The following EEFSEC variants were observed in gnomAD, a reference collection of about 807,000 sequenced individuals.
EEFSEC encodes the protein eukaryotic elongation factor, selenocysteine-tRNA specific.
Under a neutral mutation model 42.1 loss-of-function variants are expected in EEFSEC, and 43 were observed. The ratio of observed to expected loss-of-function variants is 1.02; its 90% CI spans 0.80 to 1.32. EEFSEC has a LOEUF of 1.32. EEFSEC is among the 40% of genes most tolerant of loss of function. The pLI, the probability that EEFSEC is intolerant of heterozygous loss-of-function variation, is 0.00. For synonymous variants in EEFSEC, 354 were observed against 339.1 expected, an observed-to-expected ratio of 1.04 and a Z score of -0.48; for missense variants, 745 against 803.6, an observed-to-expected ratio of 0.93 and a Z score of 0.88.
intron 4 of EEFSEC, among the ~76,000 whole-genome samples, chr3:128,275,384 A>G (rs530732781): frequency 6.6e-6 from 1 of 152,330 alleles, no homozygotes; most frequent in East Asian, 1.9e-4. Flanking sequence ...GATTCAGATG[A>G]AAGTGTGGCC....
chr3:128,290,894 A>G (rs2066637005), intron 4 of EEFSEC, among the ~76,000 whole-genome samples: 1 of 151,934 alleles, frequency 6.6e-6, no homozygotes, highest in South Asian at 2.1e-4. Context: ...ACAGGTGCCC[A>G]CCACCATACC....
chr3:128,175,524 C>T (rs1174492715), intron 1 of EEFSEC, among the ~76,000 whole-genome samples: 2 of 152,138 alleles, frequency 1.3e-5, no homozygotes, highest in Non-Finnish European at 2.9e-5. Flanking sequence ...GTAAAACTGG[C>T]CTGGGATCCC....
At chr3:128,183,670 C>T (rs572232051) in intron 1 of EEFSEC, among the ~76,000 whole-genome samples, 17 of 152,324 alleles carry the variant, frequency 1.1e-4, no homozygotes, top group African/African-American at 2.9e-4. Context: ...AGAACCGATG[C>T]GTGCAGGGCA....
chr3:128,175,157 C>G (rs532123658), intron 1 of EEFSEC, among the ~76,000 whole-genome samples: 1 of 151,584 alleles, frequency 6.6e-6, no homozygotes, highest in African/African-American at 2.4e-5. Flanking sequence ...TCCTCCTTCC[C>G]CTCCTCTTCT....
rs1035680092 is a variant in EEFSEC at position 128,215,052 on chromosome 3, A to T, written c.317-31784A>T. ...TTGTGGTTGTAATAATGTTGGTGAG[A>T]TTATACACCAATATCCAGCCCTGAA... On this transcript the variant is annotated intron_variant, in intron 1 of 6. Coordinates refer to ENST00000254730, the MANE Select transcript of EEFSEC (RefSeq NM_021937.5). Among the ~76,000 whole-genome samples the T allele has an allele frequency of 2.0e-5, 3 of 152,158 alleles. No individual in the cohort carries two copies. The East Asian group carries it at 5.8e-4, about 29-fold the overall frequency.
At chr3:128,359,045 A>G (rs569504947) in intron 6 of EEFSEC, among the ~76,000 whole-genome samples, 22 of 152,342 alleles carry the variant, frequency 1.4e-4, no homozygotes, top group African/African-American at 4.8e-4. Flanking sequence ...CAATAAACAT[A>G]CTAAAGAAAT....
At chr3:128,181,207 C>G (rs1405364900) in intron 1 of EEFSEC, among the ~76,000 whole-genome samples, 1 of 152,218 alleles carries the variant, frequency 6.6e-6, no homozygotes. Flanking sequence ...GGGGCCCCAT[C>G]TTTTCCATCC....
Position 128,316,784 on chromosome 3 carries a change from C to T in EEFSEC, c.787-24449C>T, listed in dbSNP as rs544443126. 2.6e-5 allele frequency among the ~76,000 whole-genome samples: 4 copies of T among 152,326 alleles called. No individual in the cohort carries two copies. In the South Asian group the frequency reaches 8.3e-4, roughly 32 times the overall value. On this transcript the variant is annotated intron_variant, in intron 4 of 6. Transcript: ENST00000254730. Reference sequence around the variant, plus strand: ...ACCGGGGCACAGCCCTCCCTCTATGCTGCTCAGTGCCATCATTTTCCCCTC... The same window carrying T: ...ACCGGGGCACAGCCCTCCCTCTATGTTGCTCAGTGCCATCATTTTCCCCTC...
chr3:128,389,461 C>T (rs2067881801), intron 6 of EEFSEC, among the ~76,000 whole-genome samples: 2 of 152,250 alleles, frequency 1.3e-5, no homozygotes, highest in African/African-American at 4.8e-5. Flanking sequence ...CACATGGCCT[C>T]CTAAGTCACA....
At chr3:128,415,256 G>T in the EEFSEC span, among the ~76,000 whole-genome samples, 1 of 152,150 alleles carries the variant, frequency 6.6e-6, no homozygotes, top group Admixed American at 6.5e-5. Context: ...AGAAGAGACG[G>T]GCCCAGGGAG....
chr3:128,316,433 C>T (rs1224912086), intron 4 of EEFSEC, among the ~76,000 whole-genome samples: 3 of 152,178 alleles, frequency 2.0e-5, no homozygotes, highest in Non-Finnish European at 4.4e-5. Flanking sequence ...CTACCGCTCT[C>T]CCCCTCTCTT....
intron 4 of EEFSEC, among the ~76,000 whole-genome samples, chr3:128,284,163 T>G (rs540034414): frequency 4.0e-4 from 61 of 152,310 alleles, no homozygotes; most frequent in African/African-American, 1.4e-3. Flanking sequence ...CTTTCAATAA[T>G]GAAGATCCTA....
intron 6 of EEFSEC, among the ~76,000 whole-genome samples, chr3:128,378,221 A>C (rs1465497227): frequency 6.6e-6 from 1 of 152,164 alleles, no homozygotes; most frequent in Non-Finnish European, 1.5e-5. Context: ...CAGCACCTGC[A>C]TCTCTCATCC....
intron 1 of EEFSEC, among the ~76,000 whole-genome samples, chr3:128,216,096 G>T (rs2065808365): frequency 6.6e-6 from 1 of 152,158 alleles, no homozygotes. Context: ...CAGAGGAGGA[G>T]AATTTCTCAT....
intron 6 of EEFSEC, chr3:128,362,324 A>G: frequency 2.1e-6 from 1 of 474,238 alleles, no homozygotes; most frequent in South Asian, 1.5e-5. Context: ...TCCCAACTGG[A>G]GAAGAATCAT....
At chr3:128,284,258 G>A (rs1479955463) in intron 4 of EEFSEC, among the ~76,000 whole-genome samples, 3 of 152,098 alleles carry the variant, frequency 2.0e-5, no homozygotes, top group African/African-American at 7.2e-5. Context: ...TCATACTCCC[G>A]CCTTTCCTTG....
intron 4 of EEFSEC, among the ~76,000 whole-genome samples, chr3:128,287,981 G>A (rs528715778): frequency 8.0e-6 from 1 of 124,266 alleles, no homozygotes; most frequent in African/African-American, 3.3e-5. Flanking sequence ...AAAAAACTCT[G>A]TCTTTGAAGA....
chr3:128,306,726 C>T (rs1043309992), intron 4 of EEFSEC, among the ~76,000 whole-genome samples: 44 of 152,212 alleles, frequency 2.9e-4, no homozygotes, highest in Admixed American at 5.9e-4. Context: ...TTACATATAT[C>T]TTCTCATTTA....
chr3:128,250,278 T>C (rs2066171967), intron 2 of EEFSEC, among the ~76,000 whole-genome samples: 1 of 152,208 alleles, frequency 6.6e-6, no homozygotes, highest in Admixed American at 6.5e-5. Flanking sequence ...GTTTATCATT[T>C]TTTTTAATTG....
Sources: allele counts gnomAD v4.1 joint callset (sites outside exome capture counted in the v4.1 genomes callset), GRCh38; gene constraint gnomAD v4.1.1; transcripts MANE v1.5; gene names NCBI Gene and HGNC (gene_info 2026-07-23, HGNC 2026-07-21).